Variants in FAM13C observed in about 807,000 individuals in gnomAD.
The protein encoded by FAM13C is protein FAM13C.
Under a neutral mutation model 73.2 loss-of-function variants are expected in FAM13C, and 37 were observed. The observed-to-expected ratio is 0.51, with a 90% CI of 0.39 to 0.67. The LOEUF (loss-of-function observed/expected upper bound fraction) is 0.67, where lower values mean the gene tolerates loss of function less well. Among genes scored for constraint, FAM13C ranks in the 30% least tolerant of loss-of-function variants. FAM13C has a pLI of 0.00. For synonymous variants in FAM13C, 246 were observed against 260.9 expected (o/e 0.94, Z 0.55); for missense variants, 589 against 715.6 (o/e 0.82, Z 2.02).
chr10:59,282,938 T>C (rs1707125516), intron 6 of FAM13C: 1 of 177,832 alleles, frequency 5.6e-6, no homozygotes, highest in African/African-American at 2.3e-5. Flanking sequence ...TTACAAGCAG[T>C]TAACAGGAAA....
chr10:59,247,835 C>G (rs530693223), intron 13 of FAM13C, 98 bp from the exon 14 acceptor site: 4 of 1,157,638 alleles, frequency 3.5e-6, no homozygotes, highest in East Asian at 2.6e-5. Flanking sequence ...CTGTAACGGC[C>G]TCCACTTGGT....
At position 59,361,177 on chromosome 10, in the gene FAM13C, G is replaced by A. The variant is rs958871837; in HGVS notation, c.62+1222C>T. The A allele has an allele frequency of 3.7e-6, 4 of 1,094,800 alleles. No individual in the cohort carries two copies. The Middle Eastern group carries it at 7.1e-4, about 195-fold the overall frequency. 67.8% of individuals were successfully genotyped at this position (1,094,800 alleles called of 1,614,324 possible). A position where few individuals can be genotyped will look rare whatever the true frequency, so the allele number is the denominator to read the frequency against. ...TTATAAACAGAATGTGGGTCCAAAT[G>A]AGTATTTTACATTGCTTCTTCTAAA... On this transcript the variant is annotated intron_variant, in intron 1 of 13. Transcript: ENST00000618804.
At chr10:59,328,038 T>A (rs1851420060) in intron 3 of FAM13C, among the ~76,000 whole-genome samples, 1 of 152,146 alleles carries the variant, frequency 6.6e-6, no homozygotes, top group Admixed American at 6.6e-5. Context: ...GCATCCCACA[T>A]CTTTTCCTGT....
intron 5 of FAM13C, among the ~76,000 whole-genome samples, chr10:59,299,720 T>C (rs1847336477): frequency 6.6e-6 from 1 of 152,038 alleles, no homozygotes; most frequent in East Asian, 1.9e-4. Context: ...GACCAAGGAT[T>C]AAGGTGGATG....
chr10:59,291,511 G>A (rs902681807), intron 5 of FAM13C, among the ~76,000 whole-genome samples: 1 of 152,110 alleles, frequency 6.6e-6, no homozygotes, highest in Non-Finnish European at 1.5e-5. Flanking sequence ...ATTCAATGTA[G>A]GAGAGCAAGC....
intron 4 of FAM13C, among the ~76,000 whole-genome samples, chr10:59,320,515 C>A (rs550428032): frequency 1.3e-5 from 2 of 152,130 alleles, no homozygotes; most frequent in African/African-American, 4.8e-5. Flanking sequence ...GACAAGGGTT[C>A]TGTTAAAAGA....
At chr10:59,271,241 C>T (rs1843686453) in intron 6 of FAM13C, among the ~76,000 whole-genome samples, 1 of 152,224 alleles carries the variant, frequency 6.6e-6, no homozygotes, top group Non-Finnish European at 1.5e-5. Context: ...TCAGAAAACA[C>T]TGATGCTCTG....
intron 1 of FAM13C, among the ~76,000 whole-genome samples, chr10:59,356,190 C>T (rs1015642367): frequency 2.0e-5 from 3 of 152,156 alleles, no homozygotes; most frequent in Non-Finnish European, 4.4e-5. Context: ...TCCTGTGTCA[C>T]CTAAACTAAC....
chr10:59,251,436 ACAAAT>A (rs1841363291), intron 13 of FAM13C, 134 bp downstream of exon 13: 2 of 753,850 alleles, frequency 2.7e-6, no homozygotes, highest in Non-Finnish European at 4.7e-6. Context: ...GTTGCATTGG[ACAAAT>A]CCTGAGTCTA....
chr10:59,339,618 A>G (rs1853225202), intron 3 of FAM13C, among the ~76,000 whole-genome samples: 2 of 152,274 alleles, frequency 1.3e-5, no homozygotes, highest in Admixed American at 1.3e-4. Flanking sequence ...TCAACTTACA[A>G]GAGGGAAAAC....
chr10:59,324,253 T>C, intron 3 of FAM13C, 147 bp from the exon 4 acceptor site: 1 of 611,022 alleles, frequency 1.6e-6, no homozygotes, highest in Non-Finnish European at 2.8e-6. Context: ...GCCAATTCAC[T>C]GGTCCAAAAT....
chr10:59,324,455 A>G (rs2134034795), intron 3 of FAM13C, among the ~76,000 whole-genome samples: 1 of 152,242 alleles, frequency 6.6e-6, no homozygotes, highest in South Asian at 2.1e-4. Flanking sequence ...GAATATTTAT[A>G]CTATAGGCTT....
rs1384004346 is a variant in FAM13C, at chr10:59,265,306, A to G, written c.943-1140T>C. Among the ~76,000 whole-genome samples, 67 of 29,626 alleles carry G rather than the reference A, an allele frequency of 2.3e-3. 1 individual carries two copies. The highest frequency in any genetic ancestry group is 0.012 in the African/African-American group (66 of 5,606). The allele number at this position is 29,626 out of a possible 152,430, so 19.4% of individuals were successfully genotyped here. A position where few individuals can be genotyped will look rare whatever the true frequency, so the allele number is the denominator to read the frequency against. On this transcript the variant is annotated intron_variant, in intron 8 of 13. Coordinates refer to ENST00000618804, the MANE Select transcript of FAM13C (RefSeq NM_198215.4). ...TTTCCCTGAGGGATGGCAGAGGGAT[A>G]GGGAAGGGGTTTTGGCGGGGGGGGG...
intron 3 of FAM13C, among the ~76,000 whole-genome samples, chr10:59,325,688 T>C (rs1851011236): frequency 6.6e-6 from 1 of 152,140 alleles, no homozygotes; most frequent in Non-Finnish European, 1.5e-5. Context: ...AAAATGAGAA[T>C]AATACCATCA....
rs758081321 is a variant in FAM13C, at chr10:59,281,483, A to G, written c.592+1880T>C. Reference sequence around the variant, plus strand: ...CATCAGTTTTCTAGATGTCTCTACAATCTAGTTTTCTAGACTCTCTTGGGA... The same window carrying G: ...CATCAGTTTTCTAGATGTCTCTACAGTCTAGTTTTCTAGACTCTCTTGGGA... On this transcript the variant is annotated intron_variant, in intron 6 of 13. Coordinates refer to ENST00000618804, the MANE Select transcript of FAM13C (RefSeq NM_198215.4). Among the ~76,000 whole-genome samples, 127 of 152,312 alleles carry G rather than the reference A, an allele frequency of 8.3e-4. 1 individual carries two copies. The highest frequency in any genetic ancestry group is 2.0e-3 in the Admixed American group (31 of 15,300).
chr10:59,342,109 T>C (rs1468484607), intron 3 of FAM13C, among the ~76,000 whole-genome samples: 1 of 152,168 alleles, frequency 6.6e-6, no homozygotes, highest in Non-Finnish European at 1.5e-5. Flanking sequence ...ATTGACTTGA[T>C]GACAGCCTCT....
In FAM13C at chr10:59,254,451, A is replaced by T. The variant is rs759944538; in HGVS notation, c.1237-8T>A. ...CTTGTCTTGCTTAGTTACCTGAAAA[A>T]CATGAAATTAATTATTATTCCTCTC... On this transcript the variant is annotated splice_region_variant and splice_polypyrimidine_tract_variant and intron_variant, in intron 10 of 13. Transcript: ENST00000618804. The T allele has an allele frequency of 1.4e-6, 2 of 1,447,344 alleles. No individual in the cohort carries two copies. The highest frequency in any genetic ancestry group is 1.8e-6 in the Non-Finnish European group (2 of 1,086,100). 89.7% of individuals were successfully genotyped at this position (1,447,344 alleles called of 1,614,324 possible).
At chr10:59,321,117 G>A (rs1372422547) in intron 4 of FAM13C, among the ~76,000 whole-genome samples, 2 of 152,112 alleles carry the variant, frequency 1.3e-5, no homozygotes, top group Non-Finnish European at 2.9e-5. Flanking sequence ...CATCATTGTC[G>A]CTCCTCTGCC....
chr10:59,360,700 TG>T (rs1363280353), intron 1 of FAM13C, among the ~76,000 whole-genome samples: 1 of 152,056 alleles, frequency 6.6e-6, no homozygotes, highest in African/African-American at 2.4e-5. Flanking sequence ...ATTAGCCAAA[TG>T]GCATACCAAT....
Sources: gnomAD v4.1 joint callset for allele counts (sites outside exome capture counted in the v4.1 genomes callset) on GRCh38, gnomAD v4.1.1 for gene constraint, MANE v1.5 for transcripts, NCBI Gene and HGNC (gene_info 2026-07-23, HGNC 2026-07-21) for gene names.